Variants in PPFIA2 observed in about 807,000 individuals in gnomAD.
PPFIA2 encodes liprin-alpha-2.
Under a neutral mutation model 175.5 loss-of-function variants are expected in PPFIA2, and 46 were observed. The ratio of observed to expected loss-of-function variants is 0.26; its 90% CI spans 0.21 to 0.34. The LOEUF is 0.34. Among genes scored for constraint, PPFIA2 ranks in the 10% least tolerant of loss-of-function variants. The probability of loss-of-function intolerance (pLI) is 1.00; values close to 1 mark genes in which losing one functional copy is unlikely to be tolerated. For synonymous variants in PPFIA2, 568 were observed against 511.4 expected, an observed-to-expected ratio of 1.11 and a Z score of -1.49; for missense variants, 1,179 against 1,506.1, an observed-to-expected ratio of 0.78 and a Z score of 3.60.
chr12:81,470,838 A>G (rs1158031455), intron 4 of PPFIA2, among the ~76,000 whole-genome samples: 1 of 152,202 alleles, frequency 6.6e-6, no homozygotes, highest in African/African-American at 2.4e-5. Flanking sequence ...TATGTTGATC[A>G]GTACATGTCT....
chr12:81,578,855 T>C (rs1434282539), intron 4 of PPFIA2, among the ~76,000 whole-genome samples: 3 of 151,840 alleles, frequency 2.0e-5, no homozygotes, highest in African/African-American at 7.2e-5. Flanking sequence ...CTAGATATCA[T>C]AAATGCCTGT....
At chr12:81,596,358 A>G (rs544222677) in intron 4 of PPFIA2, among the ~76,000 whole-genome samples, 1 of 152,122 alleles carries the variant, frequency 6.6e-6, no homozygotes, top group East Asian at 1.9e-4. Flanking sequence ...ACTTAAACAC[A>G]TATTGTCTGT....
intron 7 of PPFIA2, among the ~76,000 whole-genome samples, chr12:81,420,220 G>A (rs1010130876): frequency 1.3e-5 from 2 of 152,118 alleles, no homozygotes; most frequent in Non-Finnish European, 2.9e-5. Context: ...AAAGTTTAAA[G>A]AGGTGACAAC....
In PPFIA2 at chr12:81,551,519, AG is replaced by A. The variant is rs2067919670; in HGVS notation, c.304-93654del. 2.0e-5 allele frequency among the ~76,000 whole-genome samples: 3 copies of A among 152,032 alleles called. No homozygotes were observed. In the South Asian group the frequency reaches 6.2e-4, roughly 31 times the overall value. ...AGCACTCACATTGCATGATTTACAT[AG>A]TATTCGCATTGTATTAGATATTATA... On this transcript the variant is annotated intron_variant, in intron 4 of 32. Coordinates refer to ENST00000549396, the MANE Select transcript of PPFIA2 (RefSeq NM_003625.5).
At chr12:81,479,861 G>A (rs2057985223) in intron 4 of PPFIA2, among the ~76,000 whole-genome samples, 1 of 152,024 alleles carries the variant, frequency 6.6e-6, no homozygotes, top group Non-Finnish European at 1.5e-5. Context: ...TTTCAACCTT[G>A]GTGAATCTGA....
chr12:81,298,878 A>G (rs2047125377), intron 23 of PPFIA2, among the ~76,000 whole-genome samples: 3 of 152,190 alleles, frequency 2.0e-5, no homozygotes. Flanking sequence ...CAGGAACTAA[A>G]TTACAGGCAA....
intron 4 of PPFIA2, among the ~76,000 whole-genome samples, chr12:81,616,373 G>C (rs1349551263): frequency 1.3e-5 from 2 of 152,008 alleles, no homozygotes; most frequent in Non-Finnish European, 2.9e-5. Flanking sequence ...CAGGCCATGT[G>C]ACCAGTTTTA....
At chr12:81,524,013 A>G (rs2063462027) in intron 4 of PPFIA2, among the ~76,000 whole-genome samples, 1 of 152,122 alleles carries the variant, frequency 6.6e-6, no homozygotes, top group African/African-American at 2.4e-5. Context: ...ATTTTCCACT[A>G]CCATACTTAC....
intron 4 of PPFIA2, among the ~76,000 whole-genome samples, chr12:81,630,984 C>T (rs2063325304): frequency 6.6e-6 from 1 of 151,232 alleles, no homozygotes; most frequent in African/African-American, 2.4e-5. Flanking sequence ...ACAACCTCTG[C>T]CTCCCAGTCT....
chr12:81,277,543 A>T (rs1268677776), intron 27 of PPFIA2, 129 bp from the exon 28 acceptor site: 2 of 962,256 alleles, frequency 2.1e-6, no homozygotes, highest in Non-Finnish European at 2.7e-6. Flanking sequence ...TTACATTTGC[A>T]GCCAAATCCT....
At chr12:81,499,073 G>C (rs1263122570) in intron 4 of PPFIA2, among the ~76,000 whole-genome samples, 1 of 152,204 alleles carries the variant, frequency 6.6e-6, no homozygotes, top group African/African-American at 2.4e-5. Flanking sequence ...CTAGCAGGTA[G>C]GGTGCTGCAA....
intron 4 of PPFIA2, among the ~76,000 whole-genome samples, chr12:81,460,423 A>G (rs531571953): frequency 6.6e-6 from 1 of 152,248 alleles, no homozygotes; most frequent in African/African-American, 2.4e-5. Context: ...AGTCTCGGGT[A>G]TGTCTTTATC....
At position 81,598,149 on chromosome 12, in the gene PPFIA2, C is replaced by T. The variant is rs1357125534; in HGVS notation, c.303+78642G>A. The T allele has an allele frequency of 1.4e-5, 20 of 1,471,042 alleles. No homozygotes were observed. The East Asian group carries it at 4.5e-4, about 33-fold the overall frequency. 91.1% of individuals were successfully genotyped at this position (1,471,042 alleles called of 1,614,324 possible). ...AGACTAGAGGGTAAAATGAAATCTG[C>T]CCCATCCTTCTTACATACACAGTGA... On this transcript the variant is annotated intron_variant, in intron 4 of 32. Transcript: ENST00000549396.
intron 8 of PPFIA2, among the ~76,000 whole-genome samples, chr12:81,398,668 T>C (rs2041598174): frequency 6.6e-6 from 1 of 152,106 alleles, no homozygotes; most frequent in Admixed American, 6.6e-5. Flanking sequence ...GTAGCCGCTT[T>C]GTTAATGAGG....
chr12:81,277,350 T>C lies in PPFIA2; in HGVS notation c.3277A>G (p.Arg1093Gly), dbSNP rs935700362. 6 of 1,574,300 alleles carry C rather than the reference T, an allele frequency of 3.8e-6. No homozygotes were observed. Among genetic ancestry groups the C allele is most frequent in the Non-Finnish European group, 5.2e-6 (6 of 1,158,846 alleles). The stretch of plus-strand genomic sequence containing the variant: ...TCATGTTGGCTTGCTTCCCGTCTTC[T>C]TTCTAGTTCTTTTCTGTCATAATTC... ...RLNYDRKELERRREASQHEIK... is the reference protein window; with the variant it reads ...RLNYDRKELEGRREASQHEIK... The change falls in exon 28 of 33, where the codon AGA becomes GGA. Residue 1093 changes from arginine (R) to glycine (G), a missense_variant. Transcript: ENST00000549396.
chr12:81,319,582 C>T (rs2053210160), intron 22 of PPFIA2, among the ~76,000 whole-genome samples: 1 of 151,800 alleles, frequency 6.6e-6, no homozygotes, highest in African/African-American at 2.4e-5. Flanking sequence ...GAGGAATTTT[C>T]CTGCAGTAAT....
intron 4 of PPFIA2, among the ~76,000 whole-genome samples, chr12:81,594,237 T>C (rs2059002245): frequency 6.6e-6 from 1 of 152,072 alleles, no homozygotes; most frequent in African/African-American, 2.4e-5. Flanking sequence ...CCAGAATGGT[T>C]GGAGAAGAGA....
chr12:81,680,507 A>G (rs1208491574), intron 3 of PPFIA2, among the ~76,000 whole-genome samples: 2 of 151,938 alleles, frequency 1.3e-5, no homozygotes, highest in Non-Finnish European at 2.9e-5. Flanking sequence ...CACTGCACAT[A>G]TCTATGTTGG....
chr12:81,357,843 A>G (rs1162638410), intron 16 of PPFIA2, among the ~76,000 whole-genome samples: 1 of 152,166 alleles, frequency 6.6e-6, no homozygotes, highest in East Asian at 1.9e-4. Flanking sequence ...TGAACTTAGT[A>G]TACAAGTAGT....
Sources: gnomAD v4.1 joint callset for allele counts (sites outside exome capture counted in the v4.1 genomes callset) on GRCh38, gnomAD v4.1.1 for gene constraint, MANE v1.5 for transcripts, NCBI Gene and HGNC (gene_info 2026-07-23, HGNC 2026-07-21) for gene names.